The following FER1L6 variants were observed in gnomAD, a reference collection of about 807,000 sequenced individuals.
FER1L6 encodes the protein fer-1-like protein 6.
In FER1L6, 177 loss-of-function variants were observed where a neutral mutation model predicts 219.2. The ratio of observed to expected loss-of-function variants is 0.81; its 90% CI spans 0.71 to 0.91. The LOEUF (loss-of-function observed/expected upper bound fraction) is 0.91. Ranked by LOEUF, FER1L6 falls within the 40% of genes least tolerant of loss-of-function variation. FER1L6 has a pLI of 0.00. For synonymous variants in FER1L6, 768 were observed against 824.3 expected (o/e 0.93, Z 1.17); for missense variants, 2,153 against 2,259.9 (o/e 0.95, Z 0.96).
intron 20 of FER1L6, among the ~76,000 whole-genome samples, chr8:124,043,283 CT>C (rs1194478782): frequency 1.3e-5 from 2 of 152,128 alleles, no homozygotes; most frequent in African/African-American, 4.8e-5. Flanking sequence ...ATGAGGAAAA[CT>C]AAGGTTTGGA....
intron 1 of FER1L6, among the ~76,000 whole-genome samples, chr8:123,895,440 TATTA>T (rs141741386): frequency 0.011 from 1,609 of 152,292 alleles, 23 homozygotes; most frequent in African/African-American, 0.037. Context: ...GGCTTACACA[TATTA>T]ATTCATTTAA....
At chr8:124,064,207 T>C in intron 25 of FER1L6, 140 bp from the exon 26 acceptor site, 3 of 756,950 alleles carry the variant, frequency 4.0e-6, no homozygotes, top group Non-Finnish European at 4.5e-6. Context: ...TGTCATTTTA[T>C]ACATAAGAAA....
chr8:124,087,358 T>A (rs1401711645), intron 33 of FER1L6, among the ~76,000 whole-genome samples: 2 of 152,148 alleles, frequency 1.3e-5, no homozygotes, highest in Admixed American at 6.5e-5. Flanking sequence ...ATTCTGCTGT[T>A]AAGAGACTGG....
chr8:124,003,589 C>T (rs1214470278), intron 13 of FER1L6, among the ~76,000 whole-genome samples: 2 of 150,450 alleles, frequency 1.3e-5, no homozygotes, highest in East Asian at 4.0e-4. Flanking sequence ...CTGCCTCAGC[C>T]TCCCGAGTAT....
chr8:123,873,202 C>T (rs985281752), intron 1 of FER1L6, among the ~76,000 whole-genome samples: 1 of 152,200 alleles, frequency 6.6e-6, no homozygotes, highest in Admixed American at 6.5e-5. Context: ...TGATGTCAGT[C>T]ACCTCAGGCA....
Position 123,898,952 on chromosome 8 carries a change from G to A in FER1L6, c.-8+46767G>A, listed in dbSNP as rs187445053. On this transcript the variant is annotated intron_variant, in intron 1 of 40. Coordinates refer to ENST00000522917, the MANE Select transcript of FER1L6 (RefSeq NM_001039112.2). ...CCACAATTTTGCAATTGTGAATTGTGCTGCTATAAACATGCATGTGCAAGT... is the reference window on the plus strand; with the variant it reads ...CCACAATTTTGCAATTGTGAATTGTACTGCTATAAACATGCATGTGCAAGT... 2.6e-4 allele frequency among the ~76,000 whole-genome samples: 39 copies of A among 151,480 alleles called. No homozygotes were observed. The East Asian group carries it at 7.2e-3, about 28-fold the overall frequency.
chr8:124,060,747 C>CT (rs763641847), intron 24 of FER1L6, 38 bp downstream of exon 24: 7 of 1,596,230 alleles, frequency 4.4e-6, no homozygotes, highest in South Asian at 1.1e-5. Flanking sequence ...GCTCATTCCT[C>CT]TTTTTTGCAC....
intron 1 of FER1L6, among the ~76,000 whole-genome samples, chr8:123,897,376 T>C (rs1056929931): frequency 2.0e-5 from 3 of 151,536 alleles, no homozygotes; most frequent in Non-Finnish European, 4.4e-5. Flanking sequence ...CAAGAGTCTG[T>C]TTACACAGTG....
chr8:123,901,071 G>A (rs182989346), intron 1 of FER1L6, among the ~76,000 whole-genome samples: 1 of 152,302 alleles, frequency 6.6e-6, no homozygotes, highest in African/African-American at 2.4e-5. Context: ...AGTGTCAAAA[G>A]GGTTAGAACC....
chr8:124,099,180 C>T (rs1433023609), intron 37 of FER1L6, among the ~76,000 whole-genome samples: 1 of 152,170 alleles, frequency 6.6e-6, no homozygotes, highest in Non-Finnish European at 1.5e-5. Context: ...TGTCTCTCTG[C>T]CATTTTCAAC....
chr8:124,019,647 C>T (rs949065723), intron 16 of FER1L6, among the ~76,000 whole-genome samples: 15 of 152,152 alleles, frequency 9.9e-5, no homozygotes, highest in African/African-American at 3.1e-4. Context: ...TCATTCATTC[C>T]ATAAACATTT....
At chr8:123,941,100 T>A (rs1814222780) in intron 1 of FER1L6, among the ~76,000 whole-genome samples, 1 of 152,178 alleles carries the variant, frequency 6.6e-6, no homozygotes, top group South Asian at 2.1e-4. Flanking sequence ...ACATGCTGGG[T>A]GCTGGGGTGA....
At chr8:123,900,563 A>T (rs1394838414) in intron 1 of FER1L6, among the ~76,000 whole-genome samples, 1 of 152,148 alleles carries the variant, frequency 6.6e-6, no homozygotes, top group Admixed American at 6.5e-5. Context: ...CCCAGTTTTC[A>T]GAGGGGATGC....
chr8:124,035,255 CTTT>C lies in FER1L6; in HGVS notation c.2287-18_2287-16del, dbSNP rs941115037. ...AATTATCTCCTACTAATAAGTCAGT[CTTT>C]TTTGTAACCTTTCTCCAGCCTCCTG... On this transcript the variant is annotated intron_variant, in intron 18 of 40. Transcript: ENST00000522917. 1 of 1,606,466 alleles carries C rather than the reference CTTT, an allele frequency of 6.2e-7. No homozygotes were observed. The highest frequency in any genetic ancestry group is 1.3e-5 in the African/African-American group (1 of 74,672).
chr8:124,097,820 A>T lies in FER1L6; in HGVS notation c.4820A>T (p.Asp1607Val). ...ELRVTIWNTE[D>V]VILEDENIFT... ...AGAGTGACCATCTGGAACACTGAAG[A>T]TGTCATTTTAGAGGATGAGAATATC... is the stretch of plus-strand genomic sequence containing the variant. Residue 1607 changes from aspartate (D) to valine (V), a missense_variant, in exon 37 of 41, where the codon GAT (aspartate) becomes GTT (valine). Transcript: ENST00000522917. 5 of 1,606,772 alleles carry T rather than the reference A, an allele frequency of 3.1e-6. No homozygotes were observed. Among genetic ancestry groups the T allele is most frequent in the Non-Finnish European group, 4.3e-6 (5 of 1,173,246 alleles).
Position 124,101,304 on chromosome 8 carries a change from G to T in FER1L6, c.5091G>T (p.Trp1697Cys). 6.2e-7 allele frequency: 1 copy of T among 1,613,826 alleles called. No homozygotes were observed. Among genetic ancestry groups the T allele is most frequent in the South Asian group, 1.1e-5 (1 of 91,070 alleles). The change falls in exon 38 of 41, where the codon TGG becomes TGT. Residue 1697 changes from tryptophan (W) to cysteine (C), a missense_variant. Coordinates refer to ENST00000522917, the MANE Select transcript of FER1L6 (RefSeq NM_001039112.2). The part of the protein sequence containing the change: ...KTPAVLVLQV[W>C]DFERLSSDDF... ...CTGCTGTGTTGGTGCTGCAGGTTTGGGATTTTGAAAGGCTGTCCTCAGATG... is the reference window on the plus strand; with the variant it reads ...CTGCTGTGTTGGTGCTGCAGGTTTGTGATTTTGAAAGGCTGTCCTCAGATG...
At chr8:123,906,100 C>T (rs1165358502) in intron 1 of FER1L6, among the ~76,000 whole-genome samples, 1 of 152,170 alleles carries the variant, frequency 6.6e-6, no homozygotes, top group Non-Finnish European at 1.5e-5. Flanking sequence ...AATGGCTTTG[C>T]CACTAGCCCT....
intron 2 of FER1L6, among the ~76,000 whole-genome samples, chr8:123,960,152 G>C (rs1388506443): frequency 6.6e-6 from 1 of 152,218 alleles, no homozygotes; most frequent in Non-Finnish European, 1.5e-5. Context: ...AAACGGAGCT[G>C]AGAGAAGTAA....
chr8:123,979,300 T>G (rs1816222519), intron 10 of FER1L6, among the ~76,000 whole-genome samples: 1 of 152,204 alleles, frequency 6.6e-6, no homozygotes, highest in Non-Finnish European at 1.5e-5. Context: ...AGAAATAAAA[T>G]GCCATCTACT....
Sources: gnomAD v4.1 joint callset for allele counts (sites outside exome capture counted in the v4.1 genomes callset) on GRCh38, gnomAD v4.1.1 for gene constraint, MANE v1.5 for transcripts, NCBI Gene and HGNC (gene_info 2026-07-23, HGNC 2026-07-21) for gene names.